TRPM3: variants seen among roughly 807,000 people sequenced by gnomAD.
TRPM3 encodes transient receptor potential cation channel subfamily M member 3.
In TRPM3, 77 loss-of-function variants were observed where a neutral mutation model predicts 181.2. The ratio of observed to expected loss-of-function variants is 0.42; its 90% CI spans 0.35 to 0.51. TRPM3 has a LOEUF of 0.51. TRPM3 is among the 20% of genes least tolerant of loss of function. TRPM3 has a pLI of 0.01. For missense variants in TRPM3, 1,759 were observed against 2,196.7 expected (o/e 0.80, Z 3.98); for synonymous variants, 745 against 796.4 (o/e 0.94, Z 1.09).
At chr9:70,665,866 T>C (rs2061769868) in intron 9 of TRPM3, among the ~76,000 whole-genome samples, 1 of 152,332 alleles carries the variant, frequency 6.6e-6, no homozygotes, top group African/African-American at 2.4e-5. Context: ...TTCTGTTCCC[T>C]TTTTCTTTTA....
intron 1 of TRPM3, among the ~76,000 whole-genome samples, chr9:71,102,786 C>A (rs2068645274): frequency 6.6e-6 from 1 of 152,136 alleles, no homozygotes; most frequent in African/African-American, 2.4e-5. Flanking sequence ...TTATTCATGT[C>A]AATTTCCTCC....
chr9:71,173,525 T>C (rs1042093223), intron 1 of TRPM3, among the ~76,000 whole-genome samples: 21 of 152,262 alleles, frequency 1.4e-4, no homozygotes, highest in African/African-American at 5.1e-4. Context: ...TTTGCCACTA[T>C]GTTTTGTTCC....
chr9:71,218,859 T>A (rs2080063505), intron 1 of TRPM3, among the ~76,000 whole-genome samples: 1 of 152,222 alleles, frequency 6.6e-6, no homozygotes, highest in African/African-American at 2.4e-5. Context: ...TTTACCCATC[T>A]TGTTGGGGAT....
chr9:70,761,684 T>C lies in TRPM3; in HGVS notation c.1189A>G (p.Ile397Val), dbSNP rs1439957685. 1.9e-6 allele frequency: 3 copies of C among 1,613,756 alleles called. No individual in the cohort carries two copies. Among genetic ancestry groups the C allele is most frequent in the East Asian group, 4.5e-5 (2 of 44,824 alleles). Reference sequence around the variant, plus strand: ...CGAGTGTATGTGAAAGTCTTCTGTATAGTCACCAACAGCTGGTCCCTCAAA... The same window carrying C: ...CGAGTGTATGTGAAAGTCTTCTGTACAGTCACCAACAGCTGGTCCCTCAAA... ...ESLRDQLLVT[I>V]QKTFTYTRTQ... The change falls in exon 8 of 26, where the codon ATA becomes GTA. Residue 397 changes from isoleucine (I) to valine (V), a missense_variant. This residue lies in a region of TRPM3 where 737 missense variants were observed against 957.4 expected (regional missense o/e 0.77). Coordinates refer to ENST00000677713, the MANE Select transcript of TRPM3 (RefSeq NM_001366145.2).
At position 70,531,541 on chromosome 9, in the gene TRPM3, G is replaced by A. The variant is rs990974988; in HGVS notation, c.*4412C>T. 1.3e-5 allele frequency: 2 copies of A among 152,140 alleles called. No homozygotes were observed. Among genetic ancestry groups the A allele is most frequent in the Admixed American group, 6.5e-5 (1 of 15,288 alleles). 9.4% of individuals were successfully genotyped at this position (152,140 alleles called of 1,614,324 possible). On this transcript the variant is annotated 3_prime_UTR_variant, in exon 26 of 26. Coordinates refer to ENST00000677713, the MANE Select transcript of TRPM3 (RefSeq NM_001366145.2). ...GAGATTACTTCATTTCAGTCACATTGTTATTGTTCAAGGATAGTGAGTTAT... is the reference window on the plus strand; with the variant it reads ...GAGATTACTTCATTTCAGTCACATTATTATTGTTCAAGGATAGTGAGTTAT...
intron 9 of TRPM3, among the ~76,000 whole-genome samples, chr9:70,679,643 A>G (rs991966470): frequency 3.9e-5 from 6 of 152,182 alleles, no homozygotes; most frequent in African/African-American, 1.4e-4. Flanking sequence ...TATCTTGAGC[A>G]TGTTACTGAA....
chr9:71,109,873 G>A (rs78935562), intron 1 of TRPM3, among the ~76,000 whole-genome samples: 13 of 152,188 alleles, frequency 8.5e-5, no homozygotes, highest in East Asian at 1.9e-4. Context: ...TGTTCACAGC[G>A]TTGCTATGAA....
chr9:70,831,389 CTTT>C (rs57576262), intron 5 of TRPM3, among the ~76,000 whole-genome samples: 9 of 132,756 alleles, frequency 6.8e-5, no homozygotes, highest in African/African-American at 1.1e-4. Flanking sequence ...TAAAATAGGA[CTTT>C]TTTTTTTTTT....
At chr9:71,080,835 TG>T (rs1333966401) in intron 1 of TRPM3, among the ~76,000 whole-genome samples, 1 of 152,210 alleles carries the variant, frequency 6.6e-6, no homozygotes, top group East Asian at 1.9e-4. Flanking sequence ...CCTGAATTTT[TG>T]TTTTGCATCA....
intron 12 of TRPM3, among the ~76,000 whole-genome samples, chr9:70,630,189 C>T (rs2065546539): frequency 6.6e-6 from 1 of 152,220 alleles, no homozygotes; most frequent in Non-Finnish European, 1.5e-5. Flanking sequence ...GTCCTGACCC[C>T]AAGTGACCCT....
chr9:70,639,246 A>T, intron 10 of TRPM3, 52 bp from the exon 11 acceptor site: 1 of 1,596,566 alleles, frequency 6.3e-7, no homozygotes, highest in Non-Finnish European at 8.5e-7. Context: ...CTATGGATGC[A>T]GTTCTTTAGT....
intron 22 of TRPM3, among the ~76,000 whole-genome samples, chr9:70,554,422 A>AT (rs1374098612): frequency 6.6e-6 from 1 of 152,138 alleles, no homozygotes; most frequent in Non-Finnish European, 1.5e-5. Flanking sequence ...AAGATTTGAA[A>AT]AGTTGACCCA....
chr9:71,038,722 C>G (rs1796020896), intron 1 of TRPM3, among the ~76,000 whole-genome samples: 1 of 152,034 alleles, frequency 6.6e-6, no homozygotes, highest in Non-Finnish European at 1.5e-5. Context: ...ACTTACAGTC[C>G]AATAGGGCAC....
intron 1 of TRPM3, among the ~76,000 whole-genome samples, chr9:71,022,770 G>A (rs2097857118): frequency 6.6e-6 from 1 of 152,022 alleles, no homozygotes; most frequent in African/African-American, 2.4e-5. Context: ...AACTACCATG[G>A]CACATGTACA....
intron 1 of TRPM3, among the ~76,000 whole-genome samples, chr9:71,014,305 A>G (rs1308841839): frequency 6.6e-6 from 1 of 152,080 alleles, no homozygotes; most frequent in African/African-American, 2.4e-5. Context: ...TCAGAATGTC[A>G]TGACCTAACA....
chr9:71,049,813 T>G (rs1379444836), intron 1 of TRPM3, among the ~76,000 whole-genome samples: 1 of 152,194 alleles, frequency 6.6e-6, no homozygotes, highest in Non-Finnish European at 1.5e-5. Context: ...CCATTTCCTC[T>G]GTTTTCTAGT....
chr9:71,054,139 T>C (rs1386895538), intron 1 of TRPM3, among the ~76,000 whole-genome samples: 3 of 152,110 alleles, frequency 2.0e-5, no homozygotes, highest in Non-Finnish European at 4.4e-5. Flanking sequence ...GGCAGAAAGA[T>C]GACTTTTCAG....
At chr9:70,914,895 T>C (rs1361579512) in intron 1 of TRPM3, among the ~76,000 whole-genome samples, 2 of 152,196 alleles carry the variant, frequency 1.3e-5, no homozygotes, top group Non-Finnish European at 2.9e-5. Flanking sequence ...TACTGGACTT[T>C]GTTACTGGGT....
chr9:71,055,682 A>C (rs1462360915), intron 1 of TRPM3, among the ~76,000 whole-genome samples: 1 of 152,016 alleles, frequency 6.6e-6, no homozygotes, highest in Non-Finnish European at 1.5e-5. Flanking sequence ...AAGTCCTAAG[A>C]GTTCAGATCT....
Sources: allele counts gnomAD v4.1 joint callset (sites outside exome capture counted in the v4.1 genomes callset), GRCh38; gene constraint gnomAD v4.1.1; regional missense constraint gnomAD v4.1.1; transcripts MANE v1.5; gene names NCBI Gene and HGNC (gene_info 2026-07-23, HGNC 2026-07-21).